Variants in TTLL5 observed in about 807,000 individuals in gnomAD.
The protein encoded by TTLL5 is tubulin polyglutamylase TTLL5.
In TTLL5, 132 loss-of-function variants were observed where a neutral mutation model predicts 168.4. That is an observed-to-expected ratio of 0.78 (90% CI 0.68 to 0.91). The LOEUF (loss-of-function observed/expected upper bound fraction) is 0.91, where lower values mean the gene tolerates loss of function less well. TTLL5 is among the 40% of genes least tolerant of loss of function. The pLI is 0.00. For synonymous variants in TTLL5, 546 were observed against 558.6 expected (o/e 0.98, Z 0.32); for missense variants, 1,545 against 1,581.5 (o/e 0.98, Z 0.39).
chr14:75,779,449 G>A, intron 23 of TTLL5, 126 bp from the exon 24 acceptor site: 1 of 1,353,696 alleles, frequency 7.4e-7, no homozygotes. Flanking sequence ...CCTATTAATA[G>A]GGAATTTTCA....
chr14:75,781,941 A>G (rs1167002610), intron 24 of TTLL5, among the ~76,000 whole-genome samples: 1 of 146,186 alleles, frequency 6.8e-6, no homozygotes, highest in African/African-American at 2.6e-5. Context: ...GGCAGCAACA[A>G]GAGTGAAACT....
chr14:75,892,024 GTTAT>G (rs1294605714), intron 30 of TTLL5, among the ~76,000 whole-genome samples: 1 of 152,190 alleles, frequency 6.6e-6, no homozygotes, highest in Non-Finnish European at 1.5e-5. Flanking sequence ...TTGGTAGGTT[GTTAT>G]TTATAAGTGT....
chr14:75,778,288 G>T (rs1354291865), intron 23 of TTLL5, among the ~76,000 whole-genome samples: 5 of 152,162 alleles, frequency 3.3e-5, no homozygotes, highest in Non-Finnish European at 7.3e-5. Context: ...TATTAAGTTT[G>T]GTTTGAGTAC....
At chr14:75,928,356 T>TATATATATATATATATATATAC (rs1189235373) in intron 31 of TTLL5, among the ~76,000 whole-genome samples, 1 of 128,760 alleles carries the variant, frequency 7.8e-6, no homozygotes, top group Non-Finnish European at 1.6e-5. Flanking sequence ...TATATATATA[T>TATATATATATATATATATATAC]ATATATATAT....
chr14:75,777,621 G>A (rs183333266), intron 23 of TTLL5, among the ~76,000 whole-genome samples: 1 of 152,104 alleles, frequency 6.6e-6, no homozygotes, highest in Admixed American at 6.5e-5. Flanking sequence ...AGAGAGATGT[G>A]CAAAACCATT....
At chr14:75,743,596 T>TC (rs1889402571) in intron 15 of TTLL5, among the ~76,000 whole-genome samples, 1 of 145,956 alleles carries the variant, frequency 6.9e-6, no homozygotes, top group Non-Finnish European at 1.5e-5. Context: ...TTTTTTTTTT[T>TC]TTTGAGACGG....
intron 3 of TTLL5, among the ~76,000 whole-genome samples, chr14:75,674,912 C>A: frequency 6.6e-6 from 1 of 150,626 alleles, no homozygotes. Flanking sequence ...CACATTTACT[C>A]AATATAAAAA....
chr14:75,846,598 C>G (rs1896555042), intron 28 of TTLL5, among the ~76,000 whole-genome samples: 1 of 152,080 alleles, frequency 6.6e-6, no homozygotes, highest in Non-Finnish European at 1.5e-5. Flanking sequence ...CGAGACCAGC[C>G]TGTCCAACAT....
chr14:75,924,436 C>T (rs1400306758), intron 31 of TTLL5, among the ~76,000 whole-genome samples: 4 of 151,756 alleles, frequency 2.6e-5, no homozygotes, highest in Admixed American at 2.0e-4. Context: ...TGCGGCCTTC[C>T]GCAGTGTTTG....
chr14:75,777,026 T>A (rs1891756924), intron 23 of TTLL5, among the ~76,000 whole-genome samples, 176 bp downstream of exon 23: 1 of 152,106 alleles, frequency 6.6e-6, no homozygotes, highest in Non-Finnish European at 1.5e-5. Flanking sequence ...GCAGGAGGAT[T>A]GCTTGAGCCC....
intron 3 of TTLL5, among the ~76,000 whole-genome samples, chr14:75,671,381 C>G (rs1205619087): frequency 6.6e-6 from 1 of 152,174 alleles, no homozygotes; most frequent in East Asian, 1.9e-4. Context: ...CATTCAGGGT[C>G]CCTTGCAATT....
At chr14:75,737,723 A>G in intron 15 of TTLL5, 1 of 1,078,626 alleles carries the variant, frequency 9.3e-7, no homozygotes, top group Non-Finnish European at 1.3e-6. Context: ...TTTTTTGCGC[A>G]GTTTAATAAC....
intron 27 of TTLL5, among the ~76,000 whole-genome samples, chr14:75,815,463 A>G (rs1249774104): frequency 1.3e-5 from 2 of 152,256 alleles, no homozygotes; most frequent in East Asian, 1.9e-4. Flanking sequence ...TTGTTATGTG[A>G]ATAAACGTAA....
chr14:75,722,134 T>A (rs1434711780), intron 12 of TTLL5, among the ~76,000 whole-genome samples: 1 of 152,216 alleles, frequency 6.6e-6, no homozygotes, highest in Non-Finnish European at 1.5e-5. Context: ...TCTGTGCTTT[T>A]GTGCCACTGT....
intron 29 of TTLL5, 72 bp downstream of exon 29, chr14:75,863,934 A>AAAAAAAAAAAAAAAAAAC: frequency 7.9e-7 from 1 of 1,266,296 alleles, no homozygotes; most frequent in South Asian, 1.7e-5. Flanking sequence ...AAAAAAAAAA[A>AAAAAAAAAAAAAAAAAAC]GGTCAGTGAA....
At position 75,820,058 on chromosome 14, in the gene TTLL5, G is replaced by T. The variant is rs745486068; in HGVS notation, c.3223G>T (p.Ala1075Ser). ...TGIINRSSASAPPTLRPIISP... is the reference protein window; with the variant it reads ...TGIINRSSASSPPTLRPIISP... ...CATCATAAACAGAAGCAGTGCTTCA[G>T]CTCCCCCAACCCTCCGACCCATCAT... The change falls in exon 28 of 32, where the codon GCT becomes TCT. Residue 1075 changes from alanine to serine, a missense_variant. Physicochemically the swap from Ala to Ser is moderately conservative, Grantham distance 99 (BLOSUM62 1). Coordinates refer to ENST00000298832, the MANE Select transcript of TTLL5 (RefSeq NM_015072.5). 1 of 1,606,698 alleles carries T rather than the reference G, an allele frequency of 6.2e-7. No individual in the cohort carries two copies. Among genetic ancestry groups the T allele is most frequent in the African/African-American group, 1.3e-5 (1 of 74,414 alleles).
chr14:75,843,407 G>A (rs1896359108), intron 28 of TTLL5, among the ~76,000 whole-genome samples: 1 of 152,226 alleles, frequency 6.6e-6, no homozygotes. Flanking sequence ...CAAGGAGGGA[G>A]AAGGAAAGGG....
intron 31 of TTLL5, among the ~76,000 whole-genome samples, chr14:75,948,940 CA>C (rs1173098992): frequency 5.9e-5 from 9 of 151,982 alleles, no homozygotes; most frequent in African/African-American, 2.2e-4. Context: ...GAATCAAGAA[CA>C]AAAATCTTCC....
At chr14:75,925,513 C>T (rs1388335253) in intron 31 of TTLL5, among the ~76,000 whole-genome samples, 1 of 150,162 alleles carries the variant, frequency 6.7e-6, no homozygotes, top group East Asian at 2.0e-4. Context: ...CAGAGACGCT[C>T]CTCACTTCCT....
Sources: gnomAD v4.1 joint callset for allele counts (sites outside exome capture counted in the v4.1 genomes callset) on GRCh38, gnomAD v4.1.1 for gene constraint, MANE v1.5 for transcripts, NCBI Gene and HGNC (gene_info 2026-07-23, HGNC 2026-07-21) for gene names.